Variants in ZBTB20 observed in about 807,000 individuals in gnomAD.
The protein encoded by ZBTB20 is zinc finger and BTB domain containing 20.
In ZBTB20, 9 loss-of-function variants were observed where a neutral mutation model predicts 56.9. That is an observed-to-expected ratio of 0.16 (90% CI 0.10 to 0.28). ZBTB20 has a LOEUF of 0.28. ZBTB20 is among the 10% of genes least tolerant of loss of function. The pLI is 1.00. For missense variants in ZBTB20, 655 were observed against 1,003.0 expected (o/e 0.65, Z 4.69); for synonymous variants, 417 against 420.7 (o/e 0.99, Z 0.11).
At chr3:115,112,978 A>C (rs1049629102) in intron 1 of ZBTB20, among the ~76,000 whole-genome samples, 1 of 152,130 alleles carries the variant, frequency 6.6e-6, no homozygotes, top group African/African-American at 2.4e-5. Flanking sequence ...CTTTTTAATA[A>C]TAGCCATTCT....
intron 5 of ZBTB20, among the ~76,000 whole-genome samples, chr3:114,750,415 G>C (rs2067471148): frequency 6.6e-6 from 1 of 152,082 alleles, no homozygotes; most frequent in Non-Finnish European, 1.5e-5. Context: ...AATAGGTAAA[G>C]AAATATTTTA....
At chr3:114,919,159 T>TA (rs1450823042) in intron 3 of ZBTB20, among the ~76,000 whole-genome samples, 1 of 151,916 alleles carries the variant, frequency 6.6e-6, no homozygotes, top group Non-Finnish European at 1.5e-5. Flanking sequence ...ATACACAATA[T>TA]AAAAAGGTAT....
intron 6 of ZBTB20, among the ~76,000 whole-genome samples, chr3:114,612,679 T>G (rs1015288574): frequency 1.3e-5 from 2 of 152,222 alleles, no homozygotes; most frequent in South Asian, 4.1e-4. Context: ...TGCCAACATT[T>G]TCCAGTAAAA....
At chr3:115,071,806 T>C (rs548780998) in intron 1 of ZBTB20, among the ~76,000 whole-genome samples, 2 of 152,260 alleles carry the variant, frequency 1.3e-5, no homozygotes, top group African/African-American at 4.8e-5. Flanking sequence ...AGGCAGCCTA[T>C]TGAAACTAAC....
At chr3:114,825,976 C>T (rs1246074142) in intron 4 of ZBTB20, among the ~76,000 whole-genome samples, 1 of 151,712 alleles carries the variant, frequency 6.6e-6, no homozygotes, top group African/African-American at 2.4e-5. Flanking sequence ...TAAATACCAA[C>T]ACTGTATGTT....
chr3:115,091,721 T>C (rs1199896346), intron 1 of ZBTB20, among the ~76,000 whole-genome samples: 2 of 150,170 alleles, frequency 1.3e-5, no homozygotes, highest in African/African-American at 2.4e-5. Context: ...TACATACATA[T>C]ATATATATAT....
rs1167332256 is a variant in ZBTB20 at position 114,323,095 on chromosome 3, C to T, written c.*15910G>A. ...TTTCCCACACAATCTATTGCTTATC[C>T]TGTGATGAAAGATTCTTTTATTAAC... On this transcript the variant is annotated 3_prime_UTR_variant, in exon 12 of 12. Coordinates refer to ENST00000675478, the MANE Select transcript of ZBTB20 (RefSeq NM_001348800.3). 1 of 152,128 alleles carries T rather than the reference C, an allele frequency of 6.6e-6. No homozygotes were observed. The highest frequency in any genetic ancestry group is 1.5e-5 in the Non-Finnish European group (1 of 68,028). 9.4% of individuals were successfully genotyped at this position (152,128 alleles called of 1,614,324 possible).
chr3:114,358,629 G>A (rs2081485155), intron 10 of ZBTB20, among the ~76,000 whole-genome samples: 1 of 152,070 alleles, frequency 6.6e-6, no homozygotes, highest in African/African-American at 2.4e-5. Context: ...AAAGGATGAG[G>A]GCATGCCTAT....
intron 4 of ZBTB20, among the ~76,000 whole-genome samples, chr3:114,887,037 A>G (rs1371016699): frequency 2.0e-5 from 3 of 152,174 alleles, no homozygotes; most frequent in Non-Finnish European, 4.4e-5. Flanking sequence ...GAATCCTGAG[A>G]CAACGTAGGA....
chr3:115,007,110 G>A (rs770856574), intron 2 of ZBTB20, among the ~76,000 whole-genome samples: 9 of 151,698 alleles, frequency 5.9e-5, no homozygotes, highest in Non-Finnish European at 1.0e-4. Context: ...TGCAAAGTCT[G>A]TTCTTTCATT....
intron 5 of ZBTB20, among the ~76,000 whole-genome samples, chr3:114,772,318 T>A (rs1309890011): frequency 6.6e-6 from 1 of 152,032 alleles, no homozygotes; most frequent in African/African-American, 2.4e-5. Context: ...CCAGCCTGGG[T>A]AACAGAGTGA....
intron 6 of ZBTB20, among the ~76,000 whole-genome samples, chr3:114,683,382 CA>C: frequency 6.6e-6 from 1 of 152,206 alleles, no homozygotes; most frequent in African/African-American, 2.4e-5. Flanking sequence ...TATGAATGGA[CA>C]ATAATTCATG....
intron 1 of ZBTB20, among the ~76,000 whole-genome samples, chr3:115,079,933 T>C (rs2082737843): frequency 6.6e-6 from 1 of 152,224 alleles, no homozygotes; most frequent in African/African-American, 2.4e-5. Flanking sequence ...GTGTTTACGA[T>C]ATGATCTTAT....
At chr3:114,504,663 G>C (rs2044390127) in intron 6 of ZBTB20, among the ~76,000 whole-genome samples, 1 of 152,166 alleles carries the variant, frequency 6.6e-6, no homozygotes, top group Non-Finnish European at 1.5e-5. Context: ...AGACTTCACT[G>C]AAAAGTCTTG....
chr3:114,651,550 T>TAAAAAAAA (rs57059379), intron 6 of ZBTB20, among the ~76,000 whole-genome samples: 2 of 91,390 alleles, frequency 2.2e-5, no homozygotes, highest in Admixed American at 1.1e-4. Flanking sequence ...GGTTGGATAG[T>TAAAAAAAA]AAAAAAAAAA....
intron 5 of ZBTB20, among the ~76,000 whole-genome samples, chr3:114,734,576 T>TA (rs2065995279): frequency 6.6e-6 from 1 of 152,128 alleles, no homozygotes; most frequent in African/African-American, 2.4e-5. Flanking sequence ...GTTAAGTTCT[T>TA]ATGGCAAATT....
intron 6 of ZBTB20, among the ~76,000 whole-genome samples, chr3:114,527,798 A>G (rs1559914037): frequency 6.6e-6 from 1 of 152,216 alleles, no homozygotes; most frequent in East Asian, 1.9e-4. Context: ...TTATTATTTA[A>G]TAGGATAAAA....
intron 6 of ZBTB20, among the ~76,000 whole-genome samples, chr3:114,525,491 A>G (rs917666445): frequency 6.6e-6 from 1 of 151,804 alleles, no homozygotes. Flanking sequence ...TTCCCCACAT[A>G]CCAATTCTTT....
At chr3:114,586,214 C>T (rs1044495088) in intron 6 of ZBTB20, among the ~76,000 whole-genome samples, 5 of 152,190 alleles carry the variant, frequency 3.3e-5, no homozygotes, top group African/African-American at 1.2e-4. Context: ...GTCAGTGTCA[C>T]ACAAAAGCAC....
Sources: gnomAD v4.1 joint callset for allele counts (sites outside exome capture counted in the v4.1 genomes callset) on GRCh38, gnomAD v4.1.1 for gene constraint, MANE v1.5 for transcripts, NCBI Gene and HGNC (gene_info 2026-07-23, HGNC 2026-07-21) for gene names.